The following DPYD variants were observed in gnomAD, a reference collection of about 807,000 sequenced individuals.
The protein encoded by DPYD is dihydropyrimidine dehydrogenase, also known as dihydropyrimidine dehydrogenase [NADP(+)].
DPYD carries 109 observed loss-of-function variants against 116.2 expected under a neutral mutation model. That is an observed-to-expected ratio of 0.94 (90% CI 0.80 to 1.10). The LOEUF is 1.10. Ranked by LOEUF, DPYD falls within the 50% of genes least tolerant of loss-of-function variation. The probability of loss-of-function intolerance (pLI) is 0.00; values close to 1 mark genes in which losing one functional copy is unlikely to be tolerated. For missense variants in DPYD, 1,302 were observed against 1,254.5 expected (o/e 1.04, Z -0.57); for synonymous variants, 440 against 432.0 (o/e 1.02, Z -0.23).
intron 2 of DPYD, among the ~76,000 whole-genome samples, chr1:97,831,725 A>G (rs1669544189): frequency 6.6e-6 from 1 of 151,972 alleles, no homozygotes; most frequent in East Asian, 1.9e-4. Flanking sequence ...GGCAACAGAT[A>G]AAAAGAGAAA....
intron 14 of DPYD, among the ~76,000 whole-genome samples, chr1:97,385,399 C>T (rs1672279805): frequency 7.0e-6 from 1 of 142,202 alleles, no homozygotes. Flanking sequence ...ATTGCTAGAA[C>T]TTCAAGGGCA....
intron 3 of DPYD, among the ~76,000 whole-genome samples, chr1:97,820,765 T>C (rs1008413689): frequency 3.3e-5 from 5 of 152,220 alleles, no homozygotes; most frequent in Admixed American, 6.5e-5. Flanking sequence ...TCTCACTGAA[T>C]AGACTTCGCT....
chr1:97,805,255 C>A (rs1019479662), intron 3 of DPYD, among the ~76,000 whole-genome samples: 1 of 151,676 alleles, frequency 6.6e-6, no homozygotes, highest in Non-Finnish European at 1.5e-5. Flanking sequence ...GTGACTAGGG[C>A]AGAGAACACA....
intron 18 of DPYD, among the ~76,000 whole-genome samples, chr1:97,267,877 C>A (rs1416063032): frequency 6.6e-6 from 1 of 152,092 alleles, no homozygotes; most frequent in Non-Finnish European, 1.5e-5. Flanking sequence ...CATTCCAGCA[C>A]GAACTCCTAA....
At chr1:97,213,857 G>T (rs1660200566) in intron 19 of DPYD, among the ~76,000 whole-genome samples, 1 of 152,070 alleles carries the variant, frequency 6.6e-6, no homozygotes, top group Non-Finnish European at 1.5e-5. Context: ...CTTTGACCAA[G>T]GAATAAATGG....
At chr1:97,589,472 G>A (rs1654364385) in intron 10 of DPYD, among the ~76,000 whole-genome samples, 2 of 152,160 alleles carry the variant, frequency 1.3e-5, no homozygotes, top group South Asian at 4.1e-4. Flanking sequence ...ACCTTGTGAA[G>A]AAGGTGCCTT....
chr1:97,469,193 C>A (rs1359704899), intron 13 of DPYD, among the ~76,000 whole-genome samples: 3 of 151,778 alleles, frequency 2.0e-5, no homozygotes, highest in African/African-American at 7.3e-5. Context: ...TGTTTGATAG[C>A]ACTAGATATA....
intron 3 of DPYD, among the ~76,000 whole-genome samples, chr1:97,822,218 T>C (rs1668975911): frequency 6.7e-6 from 1 of 148,406 alleles, no homozygotes; most frequent in African/African-American, 2.5e-5. Flanking sequence ...ACAAGCAATT[T>C]TGTTTCTCTC....
intron 20 of DPYD, among the ~76,000 whole-genome samples, chr1:97,135,088 T>TC (rs1653683941): frequency 6.6e-6 from 1 of 152,130 alleles, no homozygotes; most frequent in South Asian, 2.1e-4. Context: ...TCCCTAAGCA[T>TC]TAAGTTTGGT....
At chr1:97,213,415 T>C (rs1400248120) in intron 19 of DPYD, among the ~76,000 whole-genome samples, 3 of 152,188 alleles carry the variant, frequency 2.0e-5, no homozygotes. Flanking sequence ...GGATTATAGT[T>C]AGGCTTTGGG....
In DPYD at chr1:97,319,238, C is replaced by G. The variant is rs1477671459; in HGVS notation, c.2059-12941G>C. ...GCAAGAAATAACTAAAATCAGAGCA[C>G]AACTGAAGGAAATAGAGACACAAAA... On this transcript the variant is annotated intron_variant, in intron 16 of 22. Coordinates refer to ENST00000370192, the MANE Select transcript of DPYD (RefSeq NM_000110.4). 2.2e-3 allele frequency among the ~76,000 whole-genome samples: 329 copies of G among 148,858 alleles called. 3 individuals are homozygous for G. Among genetic ancestry groups the G allele is most frequent in the African/African-American group, 7.9e-3 (310 of 39,190 alleles).
intron 2 of DPYD, chr1:97,854,897 G>C (rs535180830): frequency 5.9e-5 from 9 of 152,400 alleles, no homozygotes; most frequent in Admixed American, 5.9e-4. Context: ...AAGCCTAGGA[G>C]ATGCAAATCC....
chr1:97,491,064 TAA>T (rs960566114), intron 13 of DPYD, among the ~76,000 whole-genome samples: 1 of 148,556 alleles, frequency 6.7e-6, no homozygotes, highest in Non-Finnish European at 1.5e-5. Context: ...TCTAATGACT[TAA>T]AAATATTTAT....
At chr1:97,549,049 T>C (rs1293818479) in intron 12 of DPYD, among the ~76,000 whole-genome samples, 2 of 152,004 alleles carry the variant, frequency 1.3e-5, no homozygotes, top group African/African-American at 2.4e-5. Context: ...ATGGTAGGAA[T>C]GCATGATAAA....
At chr1:97,382,527 A>T (rs1672034557) in intron 14 of DPYD, 66 bp from the exon 15 acceptor site, 1 of 875,424 alleles carries the variant, frequency 1.1e-6, no homozygotes, top group Admixed American at 2.9e-5. Flanking sequence ...AAGATATATT[A>T]ATATTTACAT....
chr1:97,810,847 T>C (rs1437840722), intron 3 of DPYD, among the ~76,000 whole-genome samples: 1 of 152,188 alleles, frequency 6.6e-6, no homozygotes, highest in East Asian at 1.9e-4. Flanking sequence ...AGAGAGTATT[T>C]AGTAATACGA....
intron 19 of DPYD, among the ~76,000 whole-genome samples, chr1:97,216,591 C>A (rs1308047135): frequency 6.6e-6 from 1 of 151,810 alleles, no homozygotes; most frequent in Admixed American, 6.6e-5. Flanking sequence ...GTCAGGAGTT[C>A]GAGACCAGCC....
intron 11 of DPYD, among the ~76,000 whole-genome samples, chr1:97,554,387 A>G (rs1651537810): frequency 6.6e-6 from 1 of 152,196 alleles, no homozygotes; most frequent in Admixed American, 6.6e-5. Flanking sequence ...AAGGATTATT[A>G]GTATTCTTTG....
chr1:97,199,484 C>T lies in DPYD; in HGVS notation c.2443-6236G>A, dbSNP rs538580585. On this transcript the variant is annotated intron_variant, in intron 19 of 22. Coordinates refer to ENST00000370192, the MANE Select transcript of DPYD (RefSeq NM_000110.4). ...TAAAATAGTAGCTTATACTCAGCTA[C>T]ATTGGCACCAAAATTAAATTTCATA... Among the ~76,000 whole-genome samples the T allele has an allele frequency of 2.0e-5, 3 of 152,272 alleles. No homozygotes were observed. The East Asian group carries it at 5.8e-4, about 29-fold the overall frequency.
Sources: allele counts gnomAD v4.1 joint callset (sites outside exome capture counted in the v4.1 genomes callset), GRCh38; gene constraint gnomAD v4.1.1; transcripts MANE v1.5; gene names NCBI Gene and HGNC (gene_info 2026-07-23, HGNC 2026-07-21).